The following FNDC3B variants were observed in gnomAD, a reference collection of about 807,000 sequenced individuals.
FNDC3B encodes fibronectin type III domain containing 3B, also known as fibronectin type III domain-containing protein 3B.
Under a neutral mutation model 151.5 loss-of-function variants are expected in FNDC3B, and 12 were observed. The observed-to-expected ratio is 0.08, with a 90% CI of 0.05 to 0.13. The LOEUF (loss-of-function observed/expected upper bound fraction) is 0.13. Among genes scored for constraint, FNDC3B ranks in the 10% least tolerant of loss-of-function variants. FNDC3B has a pLI of 1.00. For synonymous variants in FNDC3B, 528 were observed against 549.0 expected, an observed-to-expected ratio of 0.96 and a Z score of 0.54; for missense variants, 1,214 against 1,505.3, an observed-to-expected ratio of 0.81 and a Z score of 3.20.
At chr3:172,066,947 T>TGA (rs1717529176) in intron 1 of FNDC3B, among the ~76,000 whole-genome samples, 1 of 152,218 alleles carries the variant, frequency 6.6e-6, no homozygotes, top group African/African-American at 2.4e-5. Flanking sequence ...ACATATACAA[T>TGA]ACTCTCTTTT....
intron 3 of FNDC3B, among the ~76,000 whole-genome samples, chr3:172,200,002 T>TATTCATTC (rs1238059887): frequency 0.55 from 82,370 of 150,726 alleles, 24,884 homozygotes; most frequent in Non-Finnish European, 0.69. Flanking sequence ...CAATACTTTG[T>TATTCATTC]ATTCATTCAT....
chr3:172,125,436 G>A (rs1354578752), intron 2 of FNDC3B, among the ~76,000 whole-genome samples: 1 of 152,302 alleles, frequency 6.6e-6, no homozygotes, highest in East Asian at 1.9e-4. Flanking sequence ...CTGAGAGATG[G>A]TGGTGGCCAG....
At chr3:172,119,491 G>T (rs1720430992) in intron 2 of FNDC3B, among the ~76,000 whole-genome samples, 1 of 152,148 alleles carries the variant, frequency 6.6e-6, no homozygotes, top group South Asian at 2.1e-4. Flanking sequence ...TTGAGGATTG[G>T]GATAAGTGGG....
intron 3 of FNDC3B, among the ~76,000 whole-genome samples, chr3:172,204,401 G>A (rs1725319712): frequency 6.6e-6 from 1 of 152,178 alleles, no homozygotes; most frequent in Non-Finnish European, 1.5e-5. Flanking sequence ...AAATAGAATT[G>A]TGAGAATATT....
Position 172,397,525 on chromosome 3 carries a change from C to A in FNDC3B, c.*50C>A. On this transcript the variant is annotated 3_prime_UTR_variant, in exon 26 of 26. Transcript: ENST00000415807. Reference sequence around the variant, plus strand: ...TTAATGCTACACATTTTAATACACACATTTATTCAGATACTCCCCTTTTTA... The same window carrying A: ...TTAATGCTACACATTTTAATACACAAATTTATTCAGATACTCCCCTTTTTA... 1 of 1,208,662 alleles carries A rather than the reference C, an allele frequency of 8.3e-7. No individual in the cohort carries two copies. The highest frequency in any genetic ancestry group is 2.3e-5 in the Admixed American group (1 of 43,176). 74.9% of individuals were successfully genotyped at this position (1,208,662 alleles called of 1,614,324 possible). A position where few individuals can be genotyped will look rare whatever the true frequency, so the allele number is the denominator to read the frequency against.
At chr3:172,082,287 T>C (rs1718319308) in intron 1 of FNDC3B, among the ~76,000 whole-genome samples, 1 of 152,238 alleles carries the variant, frequency 6.6e-6, no homozygotes, top group Admixed American at 6.5e-5. Context: ...AAACTTAGCT[T>C]TATTCCTGCC....
At chr3:172,222,949 CCTTTTGTCT>C (rs959562707) in intron 3 of FNDC3B, among the ~76,000 whole-genome samples, 3 of 152,158 alleles carry the variant, frequency 2.0e-5, no homozygotes, top group African/African-American at 7.2e-5. Context: ...GCTGGTCTTT[CCTTTTGTCT>C]CTTTGATGTG....
chr3:172,248,294 G>A (rs191693429), intron 5 of FNDC3B, among the ~76,000 whole-genome samples: 1 of 152,278 alleles, frequency 6.6e-6, no homozygotes, highest in East Asian at 1.9e-4. Flanking sequence ...AAATCCCCTG[G>A]CTGTTGATGT....
chr3:172,138,335 C>T (rs1044664749), intron 3 of FNDC3B, among the ~76,000 whole-genome samples: 2 of 152,220 alleles, frequency 1.3e-5, no homozygotes, highest in Non-Finnish European at 2.9e-5. Flanking sequence ...TAATTACTGA[C>T]TGGATTCCTG....
intron 6 of FNDC3B, among the ~76,000 whole-genome samples, chr3:172,269,613 C>A (rs576572398): frequency 6.6e-6 from 1 of 152,040 alleles, no homozygotes; most frequent in African/African-American, 2.4e-5. Context: ...TACTACAAAT[C>A]TGTGTGGTTT....
chr3:172,041,549 C>G (rs1330834519), intron 1 of FNDC3B, among the ~76,000 whole-genome samples: 1 of 148,800 alleles, frequency 6.7e-6, no homozygotes, highest in Non-Finnish European at 1.5e-5. Context: ...TGGGGAGGCA[C>G]GGTGGTTGTG....
intron 3 of FNDC3B, among the ~76,000 whole-genome samples, chr3:172,147,400 G>A (rs1465021907): frequency 2.6e-5 from 4 of 151,564 alleles, no homozygotes; most frequent in Admixed American, 6.6e-5. Context: ...CCCTGTTTTC[G>A]CATGCCTTTA....
Position 172,305,253 on chromosome 3 carries a change from A to G in FNDC3B, c.1062-2110A>G, listed in dbSNP as rs74477686. Among the ~76,000 whole-genome samples the G allele has an allele frequency of 1.1e-4, 16 of 152,296 alleles. 1 individual carries two copies. The East Asian group carries it at 3.1e-3, about 29-fold the overall frequency. ...ATCCCGGGACTGTTCCCATTTCCTC[A>G]GTTCTAAGAATGAAGATTTTGTTTC... On this transcript the variant is annotated intron_variant, in intron 9 of 25. Coordinates refer to ENST00000415807, the MANE Select transcript of FNDC3B (RefSeq NM_022763.4).
At chr3:172,128,155 G>A (rs1313921865) in intron 2 of FNDC3B, among the ~76,000 whole-genome samples, 1 of 152,154 alleles carries the variant, frequency 6.6e-6, no homozygotes, top group Non-Finnish European at 1.5e-5. Context: ...TGAGTTCCCA[G>A]TGTTTGCTTA....
At chr3:172,124,961 AT>A (rs2108560291) in intron 2 of FNDC3B, among the ~76,000 whole-genome samples, 1 of 152,264 alleles carries the variant, frequency 6.6e-6, no homozygotes, top group South Asian at 2.1e-4. Flanking sequence ...AAGGTTGAGT[AT>A]TTGCAACTGG....
intron 7 of FNDC3B, among the ~76,000 whole-genome samples, chr3:172,291,450 A>G (rs1466372698): frequency 6.6e-6 from 1 of 152,164 alleles, no homozygotes; most frequent in Non-Finnish European, 1.5e-5. Context: ...TCTACATTTA[A>G]TAAATAGACA....
chr3:172,368,670 A>C (rs1317598892), intron 23 of FNDC3B, among the ~76,000 whole-genome samples: 1 of 152,172 alleles, frequency 6.6e-6, no homozygotes, highest in Admixed American at 6.5e-5. Flanking sequence ...AAATGCAAAT[A>C]ATGATAGCTG....
chr3:172,263,586 G>GTT (rs35762662), intron 6 of FNDC3B, among the ~76,000 whole-genome samples: 1,335 of 101,984 alleles, frequency 0.013, 50 homozygotes, highest in East Asian at 0.042. Context: ...GCTATCAAGT[G>GTT]TTTTTTTTTT....
At chr3:172,375,948 C>T (rs1439041573) in intron 23 of FNDC3B, among the ~76,000 whole-genome samples, 2 of 152,180 alleles carry the variant, frequency 1.3e-5, no homozygotes, top group Non-Finnish European at 2.9e-5. Flanking sequence ...CTGAAATCCT[C>T]TGCAGTCATG....
Sources: allele counts gnomAD v4.1 joint callset (sites outside exome capture counted in the v4.1 genomes callset), GRCh38; gene constraint gnomAD v4.1.1; transcripts MANE v1.5; gene names NCBI Gene and HGNC (gene_info 2026-07-23, HGNC 2026-07-21).